The following LBR variants were observed in gnomAD, a reference collection of about 807,000 sequenced individuals.
The protein encoded by LBR is lamin B receptor, also known as delta(14)-sterol reductase LBR.
A neutral mutation model predicts 74.3 loss-of-function variants in LBR; 28 were observed. The observed-to-expected ratio is 0.38, with a 90% CI of 0.28 to 0.52. LBR has a LOEUF of 0.52. Among genes scored for constraint, LBR ranks in the 20% least tolerant of loss-of-function variants. The pLI is 0.89. For missense variants in LBR, 717 were observed against 760.3 expected (o/e 0.94, Z 0.67); for synonymous variants, 228 against 269.3 (o/e 0.85, Z 1.50).
At chr1:225,408,658 A>T (rs992290135) in intron 10 of LBR, among the ~76,000 whole-genome samples, 3 of 152,258 alleles carry the variant, frequency 2.0e-5, no homozygotes, top group Non-Finnish European at 4.4e-5. Context: ...ATGCTGAAGA[A>T]ATCATAAAAT....
chr1:225,403,491 A>T (rs1213727528), intron 13 of LBR, 28 bp from the exon 14 acceptor site: 4 of 1,544,056 alleles, frequency 2.6e-6, no homozygotes, highest in African/African-American at 2.7e-5. Flanking sequence ...ACACAGTATT[A>T]GATATTTTTA....
chr1:225,423,538 G>A (rs2096132550), intron 2 of LBR, among the ~76,000 whole-genome samples: 1 of 152,006 alleles, frequency 6.6e-6, no homozygotes, highest in South Asian at 2.1e-4. Flanking sequence ...ATCAACTGCT[G>A]TTTTTCCTGT....
At position 225,412,573 on chromosome 1, in the gene LBR, A is replaced by T; in HGVS notation, c.965T>A (p.Val322Glu). Residue 322 changes from valine (V) to glutamate (E), a missense_variant, in exon 8 of 14, where the codon GTG becomes GAG. Physicochemically the swap from Val to Glu is moderately radical, Grantham distance 121 (BLOSUM62 -2). Coordinates refer to ENST00000272163, the MANE Select transcript of LBR (RefSeq NM_002296.4). ...TGCAAACTGAAGAAAATGACTGTACACGTAATGAAACTCTACGCCCTGGAA... is the reference window on the plus strand; with the variant it reads ...TGCAAACTGAAGAAAATGACTGTACTCGTAATGAAACTCTACGCCCTGGAA... ...SLFQGVEFHYVYSHFLQFALA... is the reference protein window; with the variant it reads ...SLFQGVEFHYEYSHFLQFALA... The T allele has an allele frequency of 1.2e-6, 2 of 1,613,918 alleles. No homozygotes were observed. Among genetic ancestry groups the T allele is most frequent in the Non-Finnish European group, 1.7e-6 (2 of 1,179,958 alleles).
intron 3 of LBR, 47 bp from the exon 4 acceptor site, chr1:225,419,845 T>A: frequency 7.5e-7 from 1 of 1,327,200 alleles, no homozygotes; most frequent in South Asian, 1.2e-5. Context: ...TGTAACTTAT[T>A]AAAAAGAAAC....
intron 6 of LBR, among the ~76,000 whole-genome samples, chr1:225,416,538 G>C (rs976791453): frequency 6.6e-6 from 1 of 152,190 alleles, no homozygotes; most frequent in Non-Finnish European, 1.5e-5. Flanking sequence ...AAAGCTGTTT[G>C]AGATCACAGG....
chr1:225,409,355 G>A (rs568726956), intron 10 of LBR, among the ~76,000 whole-genome samples: 12 of 152,282 alleles, frequency 7.9e-5, no homozygotes, highest in African/African-American at 1.4e-4. Context: ...TCAAACTTGC[G>A]AAGTTGTTCT....
At position 225,402,075 on chromosome 1, in the gene LBR, A is replaced by AT. The variant is rs553767609; in HGVS notation, c.*1227dup. On this transcript the variant is annotated 3_prime_UTR_variant, in exon 14 of 14. Coordinates refer to ENST00000272163, the MANE Select transcript of LBR (RefSeq NM_002296.4). The stretch of plus-strand genomic sequence containing the variant: ...TTACAGGACAATTAAAAATGAGACT[A>AT]TATCAACTTCACTAGAATTTAATTG... 2 of 152,212 alleles carry AT rather than the reference A, an allele frequency of 1.3e-5. No homozygotes were observed. Among genetic ancestry groups the AT allele is most frequent in the Non-Finnish European group, 2.9e-5 (2 of 68,018 alleles). The allele number at this position is 152,212 out of a possible 1,614,324, so 9.4% of individuals were successfully genotyped here. A position where few individuals can be genotyped will look rare whatever the true frequency, so the allele number is the denominator to read the frequency against.
intron 11 of LBR, 39 bp from the exon 12 acceptor site, chr1:225,404,745 T>C (rs1303931854): frequency 2.2e-6 from 3 of 1,341,908 alleles, no homozygotes; most frequent in Admixed American, 1.7e-5. Context: ...AATAACTTAG[T>C]TATACTCTAA....
chr1:225,403,447 C>G lies in LBR; in HGVS notation c.1704G>C (p.Leu568=), dbSNP rs1347482506. Residue 568 remains leucine (L), a synonymous_variant, in exon 14 of 14, where the codon CTG becomes CTC. Transcript: ENST00000272163. ...TGAAATAAATTATGTAGAAATAAGGCAGAATGTGGTTAAAACCTGTGGATA... is the reference window on the plus strand; with the variant it reads ...TGAAATAAATTATGTAGAAATAAGGGAGAATGTGGTTAAAACCTGTGGATA... The part of the protein sequence containing the change: ...WSLPCGFNHI[L]PYFYIIYFTM... The G allele has an allele frequency of 1.2e-6, 2 of 1,611,206 alleles. No individual in the cohort carries two copies.
intron 11 of LBR, 33 bp from the exon 12 acceptor site, chr1:225,404,739 A>C: frequency 7.4e-7 from 1 of 1,344,484 alleles, no homozygotes; most frequent in Non-Finnish European, 1.1e-6. Flanking sequence ...TATGTTAATA[A>C]CTTAGTTATA....
At chr1:225,425,530 G>A (rs1055492976) in intron 1 of LBR, among the ~76,000 whole-genome samples, 3 of 152,068 alleles carry the variant, frequency 2.0e-5, no homozygotes, top group African/African-American at 7.2e-5. Context: ...GCCTGGCTGA[G>A]TCACCCGAGG....
chr1:225,414,735 C>T (rs952066244), intron 7 of LBR, among the ~76,000 whole-genome samples: 9 of 152,184 alleles, frequency 5.9e-5, no homozygotes, highest in African/African-American at 2.2e-4. Context: ...AATGAAGAGA[C>T]AAATACACTG....
chr1:225,421,970 A>G, intron 3 of LBR, 107 bp downstream of exon 3: 2 of 1,093,364 alleles, frequency 1.8e-6, no homozygotes, highest in Non-Finnish European at 2.7e-6. Context: ...TCATCAACTT[A>G]GATTTGATGT....
At chr1:225,407,764 AT>A (rs563258231) in intron 10 of LBR, among the ~76,000 whole-genome samples, 8 of 152,110 alleles carry the variant, frequency 5.3e-5, no homozygotes, top group Non-Finnish European at 1.0e-4. Context: ...TCTAAATAGC[AT>A]TTTTTTCCAG....
At chr1:225,425,339 T>C (rs369610157) in intron 1 of LBR, among the ~76,000 whole-genome samples, 1 of 152,200 alleles carries the variant, frequency 6.6e-6, no homozygotes, top group Non-Finnish European at 1.5e-5. Flanking sequence ...GCTAGGTTGG[T>C]AGATGAAAGA....
intron 6 of LBR, among the ~76,000 whole-genome samples, chr1:225,416,189 CCT>C (rs1186591485): frequency 6.7e-6 from 1 of 149,508 alleles, no homozygotes; most frequent in Non-Finnish European, 1.5e-5. Context: ...AGAGCAAGAC[CCT>C]GTCTCAAGAA....
In LBR at chr1:225,420,524, C is replaced by A. The variant is rs193093167; in HGVS notation, c.367-726G>T. Among the ~76,000 whole-genome samples the A allele has an allele frequency of 4.7e-3, 710 of 152,186 alleles. 3 individuals carry two copies. The highest frequency in any genetic ancestry group is 7.4e-3 in the Non-Finnish European group (504 of 68,002). On this transcript the variant is annotated intron_variant, in intron 3 of 13. Transcript: ENST00000272163. ...AACTAAGAAATAGTGGGTACTTATG[C>A]AACACACAGTAGGCCCAAGGCACTA...
At chr1:225,412,668 A>G (rs1015128685) in intron 7 of LBR, 23 bp from the exon 8 acceptor site, 1 of 1,535,010 alleles carries the variant, frequency 6.5e-7, no homozygotes, top group African/African-American at 1.4e-5. Context: ...AAAAAAAAGG[A>G]AGTGGAAAAT....
At chr1:225,418,539 A>C (rs1160864335) in intron 5 of LBR, among the ~76,000 whole-genome samples, 1 of 152,198 alleles carries the variant, frequency 6.6e-6, no homozygotes, top group Non-Finnish European at 1.5e-5. Flanking sequence ...AAAAATTATC[A>C]GCCTAATCTT....
Sources: allele counts gnomAD v4.1 joint callset (sites outside exome capture counted in the v4.1 genomes callset), GRCh38; gene constraint gnomAD v4.1.1; transcripts MANE v1.5; gene names NCBI Gene and HGNC (gene_info 2026-07-23, HGNC 2026-07-21).